ZNF284: variants seen among roughly 807,000 people sequenced by gnomAD.
The protein encoded by ZNF284 is zinc finger protein 284.
In ZNF284, 12 loss-of-function variants were observed where a neutral mutation model predicts 12.9. The ratio of observed to expected loss-of-function variants is 0.93; its 90% CI spans 0.60 to 1.51. The LOEUF (loss-of-function observed/expected upper bound fraction) is 1.51. Ranked by LOEUF, ZNF284 falls within the 40% of genes most tolerant of loss-of-function variation. The probability of loss-of-function intolerance (pLI) is 0.00; values close to 1 mark genes in which losing one functional copy is unlikely to be tolerated. For synonymous variants in ZNF284, 225 were observed against 236.5 expected, an observed-to-expected ratio of 0.95 and a Z score of 0.45; for missense variants, 667 against 707.3, an observed-to-expected ratio of 0.94 and a Z score of 0.65.
Position 44,083,467 on chromosome 19 carries a change from A to ATG in ZNF284, c.235+1363_235+1364insGT, listed in dbSNP as rs1264459227. ...AATAAAGAAATATATATATATATAT[A>ATG]TATATATAGAGAGAGAGAGAGAGAG... On this transcript the variant is annotated intron_variant, in intron 4 of 4. Coordinates refer to ENST00000421176, the MANE Select transcript of ZNF284 (RefSeq NM_001037813.4). Among the ~76,000 whole-genome samples the ATG allele has an allele frequency of 6.1e-5, 4 of 65,598 alleles. 1 individual carries two copies. Among genetic ancestry groups the ATG allele is most frequent in the Non-Finnish European group, 1.5e-4 (4 of 26,422 alleles). The allele number at this position is 65,598 out of a possible 152,430, so 43.0% of individuals were successfully genotyped here.
In ZNF284 at chr19:44,082,076, A is replaced by G. The variant is rs1967136290; in HGVS notation, c.206A>G (p.Glu69Gly). ...FQREEKFWIMETATQREGNSG... is the reference protein window; with the variant it reads ...FQREEKFWIMGTATQREGNSG... Reference sequence around the variant, plus strand: ...AGAGAAGAAAAGTTTTGGATCATGGAGACAGCAACCCAAAGAGAAGGGAAT... The same window carrying G: ...AGAGAAGAAAAGTTTTGGATCATGGGGACAGCAACCCAAAGAGAAGGGAAT... The change falls in exon 4 of 5, where the codon GAG becomes GGG. Residue 69 changes from glutamate (E) to glycine (G), a missense_variant. Glu to Gly is a moderately conservative substitution (Grantham distance 98). Coordinates refer to ENST00000421176, the MANE Select transcript of ZNF284 (RefSeq NM_001037813.4). 3.1e-6 allele frequency: 5 copies of G among 1,613,530 alleles called. No individual in the cohort carries two copies. The highest frequency in any genetic ancestry group is 1.3e-5 in the African/African-American group (1 of 74,846).
intron 4 of ZNF284, among the ~76,000 whole-genome samples, chr19:44,082,979 A>G (rs925555797): frequency 2.0e-5 from 3 of 152,122 alleles, no homozygotes; most frequent in Admixed American, 6.6e-5. Flanking sequence ...ACATCTTTCA[A>G]GGACCATTGT....
In ZNF284 at chr19:44,086,304, G is replaced by A; in HGVS notation, c.826G>A (p.Glu276Lys). The A allele has an allele frequency of 1.9e-6, 3 of 1,614,082 alleles. No individual in the cohort carries two copies. The highest frequency in any genetic ancestry group is 2.2e-5 in the East Asian group (1 of 44,870). Residue 276 changes from glutamate (E) to lysine (K), a missense_variant, in exon 5 of 5, where the codon GAA (glutamate) becomes AAA (lysine). By Grantham distance (56) the Glu-to-Lys change is moderately conservative. Transcript: ENST00000421176. ...KAFIHNSQLR[E>K]HQRIHTGEKP... ...CTTCATTCACAATTCCCAGCTTCGG[G>A]AACATCAAAGAATCCATACTGGGGA...
At chr19:44,082,459 G>A (rs1268819701) in intron 4 of ZNF284, among the ~76,000 whole-genome samples, 2 of 152,140 alleles carry the variant, frequency 1.3e-5, no homozygotes, top group Non-Finnish European at 2.9e-5. Context: ...CCATTTTCCA[G>A]CCACGTTGTA....
intron 2 of ZNF284, among the ~76,000 whole-genome samples, chr19:44,077,535 CTTTTTTT>C (rs763788955): frequency 3.9e-5 from 3 of 76,238 alleles, no homozygotes; most frequent in African/African-American, 1.5e-4. Context: ...ATTTTTCTGT[CTTTTTTT>C]TTTTTTTTTT....
Position 44,086,691 on chromosome 19 carries a change from G to A in ZNF284, c.1213G>A (p.Gly405Arg). The A allele has an allele frequency of 1.2e-6, 2 of 1,614,054 alleles. No homozygotes were observed. Among genetic ancestry groups the A allele is most frequent in the Non-Finnish European group, 1.7e-6 (2 of 1,179,934 alleles). Residue 405 changes from glycine to arginine, a missense_variant, in exon 5 of 5, where the codon GGG becomes AGG. Coordinates refer to ENST00000421176, the MANE Select transcript of ZNF284 (RefSeq NM_001037813.4). ...GETTFKCDGCGKRFYMNSQGH... is the reference protein window; with the variant it reads ...GETTFKCDGCRKRFYMNSQGH... ...AACAACATTCAAGTGCGACGGATGTGGGAAGAGATTTTATATGAATTCACA... is the reference window on the plus strand; with the variant it reads ...AACAACATTCAAGTGCGACGGATGTAGGAAGAGATTTTATATGAATTCACA...
Position 44,076,325 on chromosome 19 carries a change from C to A in ZNF284, c.-65C>A. 6.5e-7 allele frequency: 1 copy of A among 1,531,464 alleles called. No homozygotes were observed. Among genetic ancestry groups the A allele is most frequent in the Non-Finnish European group, 8.9e-7 (1 of 1,123,876 alleles). The allele number at this position is 1,531,464 out of a possible 1,614,324, so 94.9% of individuals were successfully genotyped here. ...TGCCTTCCATGGCATGTTTCAGGCA[C>A]AATTCTGTCTTCTCTTGAACTGCAT... On this transcript the variant is annotated 5_prime_UTR_variant, in exon 2 of 5. Coordinates refer to ENST00000421176, the MANE Select transcript of ZNF284 (RefSeq NM_001037813.4).
intron 2 of ZNF284, among the ~76,000 whole-genome samples, chr19:44,080,490 G>A (rs989259929): frequency 6.6e-6 from 1 of 152,206 alleles, no homozygotes; most frequent in Non-Finnish European, 1.5e-5. Flanking sequence ...GGAGGCTGAG[G>A]CAGGAGAATT....
At chr19:44,077,858 A>G (rs910829202) in intron 2 of ZNF284, among the ~76,000 whole-genome samples, 6 of 152,182 alleles carry the variant, frequency 3.9e-5, no homozygotes, top group Admixed American at 2.6e-4. Context: ...TTGAGTGATG[A>G]CAACCACTGG....
intron 2 of ZNF284, 122 bp downstream of exon 2, chr19:44,076,526 GC>G: frequency 1.1e-6 from 1 of 952,360 alleles, no homozygotes; most frequent in Non-Finnish European, 1.6e-6. Context: ...CCTGTTGTGT[GC>G]CAGATGCTTC....
At chr19:44,085,531 G>A (rs1011543391) in intron 4 of ZNF284, among the ~76,000 whole-genome samples, 183 bp from the exon 5 acceptor site, 2 of 151,994 alleles carry the variant, frequency 1.3e-5, no homozygotes, top group Non-Finnish European at 2.9e-5. Flanking sequence ...TTTCTACCAC[G>A]TATGAGACAT....
At chr19:44,074,805 C>T (rs1967002948) in intron 1 of ZNF284, among the ~76,000 whole-genome samples, 1 of 152,132 alleles carries the variant, frequency 6.6e-6, no homozygotes, top group African/African-American at 2.4e-5. Context: ...CCCATCTCTA[C>T]TAAAAATACA....
intron 2 of ZNF284, among the ~76,000 whole-genome samples, 180 bp downstream of exon 2, chr19:44,076,584 C>T (rs972329126): frequency 3.9e-5 from 6 of 152,078 alleles, no homozygotes; most frequent in African/African-American, 1.4e-4. Context: ...ATTTTGTTTA[C>T]TTTTACCATT....
chr19:44,074,129 G>A (rs1436642383), intron 1 of ZNF284, among the ~76,000 whole-genome samples: 1 of 151,822 alleles, frequency 6.6e-6, no homozygotes, highest in Non-Finnish European at 1.5e-5. Flanking sequence ...CGAGGTGGGC[G>A]GATCACCTGA....
At position 44,086,114 on chromosome 19, in the gene ZNF284, T is replaced by C. The variant is rs770410138; in HGVS notation, c.636T>C (p.Phe212=). The change falls in exon 5 of 5, where the codon TTT becomes TTC. Residue 212 remains phenylalanine (F), a synonymous_variant. Transcript: ENST00000421176. ...AGTGTGATGTGTGTAGTAAGGCATT[T>C]AGTCAGAACTCACAACTGCAAACTC... ...RYKCDVCSKA[F]SQNSQLQTHQ... 1 of 1,614,194 alleles carries C rather than the reference T, an allele frequency of 6.2e-7. No individual in the cohort carries two copies. The highest frequency in any genetic ancestry group is 8.5e-7 in the Non-Finnish European group (1 of 1,180,034).
At chr19:44,085,611 T>TC in intron 4 of ZNF284, 103 bp from the exon 5 acceptor site, 1 of 1,068,334 alleles carries the variant, frequency 9.4e-7, no homozygotes, top group East Asian at 2.4e-5. Context: ...AACTGTACCT[T>TC]CCTTGTATTC....
chr19:44,076,915 G>T (rs1052788226), intron 2 of ZNF284, among the ~76,000 whole-genome samples: 7 of 151,410 alleles, frequency 4.6e-5, no homozygotes, highest in Admixed American at 1.3e-4. Context: ...CGCCTCCCGG[G>T]TTCAAGCGAT....
chr19:44,082,349 T>C (rs1465793054), intron 4 of ZNF284, among the ~76,000 whole-genome samples: 1 of 152,090 alleles, frequency 6.6e-6, no homozygotes, highest in Non-Finnish European at 1.5e-5. Context: ...CTTAAAAGCC[T>C]TTATGGCTTC....
intron 2 of ZNF284, among the ~76,000 whole-genome samples, chr19:44,080,570 A>G (rs1265281403): frequency 6.6e-6 from 1 of 152,234 alleles, no homozygotes; most frequent in African/African-American, 2.4e-5. Context: ...TGGGCGACAG[A>G]GTGAGACTCT....
Sources: allele counts gnomAD v4.1 joint callset (sites outside exome capture counted in the v4.1 genomes callset), GRCh38; gene constraint gnomAD v4.1.1; transcripts MANE v1.5; gene names NCBI Gene and HGNC (gene_info 2026-07-23, HGNC 2026-07-21).